The following DNMBP variants were observed in gnomAD, a reference collection of about 807,000 sequenced individuals.
The protein encoded by DNMBP is dynamin-binding protein.
DNMBP carries 87 observed loss-of-function variants against 150.0 expected under a neutral mutation model. The ratio of observed to expected loss-of-function variants is 0.58; its 90% CI spans 0.49 to 0.69. DNMBP has a LOEUF of 0.69. Ranked by LOEUF, DNMBP falls within the 30% of genes least tolerant of loss-of-function variation. The pLI is 0.00. For synonymous variants in DNMBP, 711 were observed against 750.4 expected, an observed-to-expected ratio of 0.95 and a Z score of 0.86; for missense variants, 1,774 against 1,949.0, an observed-to-expected ratio of 0.91 and a Z score of 1.69.
chr10:99,880,472 G>A, intron 15 of DNMBP, 111 bp from the exon 16 acceptor site: 2 of 1,378,372 alleles, frequency 1.5e-6, no homozygotes, highest in South Asian at 3.2e-5. Context: ...GTAAAATGAA[G>A]AGTAAAACAA....
intron 4 of DNMBP, among the ~76,000 whole-genome samples, chr10:99,934,460 G>C (rs1232427143): frequency 7.0e-6 from 1 of 142,696 alleles, no homozygotes; most frequent in African/African-American, 2.7e-5. Flanking sequence ...GTTGGAGAAG[G>C]GGAAAGTTGT....
In DNMBP at chr10:99,898,217, G is replaced by A. The variant is rs369385443; in HGVS notation, c.2789C>T (p.Pro930Leu). The A allele has an allele frequency of 1.2e-5, 20 of 1,613,890 alleles. No individual in the cohort carries two copies. Among genetic ancestry groups the A allele is most frequent in the Non-Finnish European group, 1.5e-5 (18 of 1,179,978 alleles). ...IKPVQRVMRY[P>L]LLLMELLNST... Reference sequence around the variant, plus strand: ...ATTCAGCAACTCCATTAGCAACAGCGGGTAACGCATTACTCTCTGTACTGG... The same window carrying A: ...ATTCAGCAACTCCATTAGCAACAGCAGGTAACGCATTACTCTCTGTACTGG... The change falls in exon 9 of 17, where the codon CCG becomes CTG. Residue 930 changes from proline to leucine, a missense_variant. By Grantham distance (98) the Pro-to-Leu change is moderately conservative. Coordinates refer to ENST00000324109, the MANE Select transcript of DNMBP (RefSeq NM_015221.4).
intron 1 of DNMBP, among the ~76,000 whole-genome samples, chr10:99,976,084 T>C (rs965041870): frequency 2.6e-5 from 4 of 152,204 alleles, no homozygotes; most frequent in Non-Finnish European, 5.9e-5. Context: ...TTAACCAGTA[T>C]GCTAACAGTG....
At chr10:99,906,607 C>A (rs1394908958) in intron 6 of DNMBP, among the ~76,000 whole-genome samples, 2 of 152,182 alleles carry the variant, frequency 1.3e-5, no homozygotes, top group African/African-American at 4.8e-5. Context: ...CTCTCTCTCA[C>A]AGGTCACTCT....
rs559947538 is a variant in DNMBP at position 99,902,619 on chromosome 10, TAAAAA to T, written c.2555-2558_2555-2554del. Among the ~76,000 whole-genome samples the T allele has an allele frequency of 3.9e-3, 494 of 125,174 alleles. 2 individuals are homozygous for T. Among genetic ancestry groups the T allele is most frequent in the Non-Finnish European group, 5.5e-3 (335 of 60,772 alleles). 82.1% of individuals were successfully genotyped at this position (125,174 alleles called of 152,430 possible). On this transcript the variant is annotated intron_variant, in intron 6 of 16. Coordinates refer to ENST00000324109, the MANE Select transcript of DNMBP (RefSeq NM_015221.4). ...AACACCGCACCCGGCTGCCTCCCTT[TAAAAA>T]AAAAAAAAAAAAAAAATTGTTGGCT...
chr10:99,892,660 C>CT, intron 11 of DNMBP, among the ~76,000 whole-genome samples: 1 of 144,352 alleles, frequency 6.9e-6, no homozygotes, highest in East Asian at 2.0e-4. Context: ...AACCAGAGAC[C>CT]TTTGTTCACT....
intron 4 of DNMBP, among the ~76,000 whole-genome samples, chr10:99,914,538 C>A (rs1270623200): frequency 6.6e-6 from 1 of 152,094 alleles, no homozygotes; most frequent in Non-Finnish European, 1.5e-5. Context: ...GCAATGAACC[C>A]TAAAGCCATC....
Position 99,925,595 on chromosome 10 carries a change from T to C in DNMBP, c.2261-16449A>G, listed in dbSNP as rs111438188. Among the ~76,000 whole-genome samples the C allele has an allele frequency of 3.4e-3, 511 of 152,092 alleles. 7 individuals are homozygous for C. The highest frequency in any genetic ancestry group is 0.012 in the African/African-American group (493 of 41,508). ...CATGCCCAGCTAATTTTTGTATTTT[T>C]GTACACAGGGGGTTTCACCATGTTG... On this transcript the variant is annotated intron_variant, in intron 4 of 16. Transcript: ENST00000324109.
At chr10:99,913,977 T>A in intron 4 of DNMBP, 4 of 1,476,664 alleles carry the variant, frequency 2.7e-6, no homozygotes, top group Non-Finnish European at 3.6e-6. Flanking sequence ...GCTGGCTGTG[T>A]GTGGAGGTGT....
intron 1 of DNMBP, among the ~76,000 whole-genome samples, chr10:99,987,095 C>CA (rs1367026055): frequency 6.7e-6 from 1 of 148,326 alleles, no homozygotes; most frequent in Admixed American, 6.8e-5. Flanking sequence ...GTGGAGCTTT[C>CA]AGTGAGCTGA....
chr10:99,955,037 A>G (rs1380948201), intron 4 of DNMBP, among the ~76,000 whole-genome samples, 177 bp downstream of exon 4: 3 of 148,366 alleles, frequency 2.0e-5, no homozygotes, highest in Admixed American at 6.8e-5. Context: ...TGGGCAACAG[A>G]GCGAGACTGT....
chr10:99,955,992 T>C lies in DNMBP; in HGVS notation c.1482A>G (p.Gln494=). The stretch of plus-strand genomic sequence containing the variant: ...CTAGGTTGTGGAGCTGAGGACTTGA[T>C]TGTCTGGGTTTGACTACCCTTGAAG... ...VSASRVVKPR[Q]SSPQLHNLAS... is the part of the protein sequence containing the mutation. The change falls in exon 4 of 17, where the codon CAA becomes CAG. Residue 494 remains glutamine (Q), a synonymous_variant. Coordinates refer to ENST00000324109, the MANE Select transcript of DNMBP (RefSeq NM_015221.4). 3 of 1,614,152 alleles carry C rather than the reference T, an allele frequency of 1.9e-6. No homozygotes were observed. The highest frequency in any genetic ancestry group is 2.5e-6 in the Non-Finnish European group (3 of 1,180,018).
At chr10:99,990,762 TACACATATATACACATATATAC>T (rs1379150142) in intron 1 of DNMBP, among the ~76,000 whole-genome samples, 2 of 119,268 alleles carry the variant, frequency 1.7e-5, no homozygotes, top group South Asian at 2.5e-4. Context: ...TACACATATA[TACACATATATACACATATATAC>T]ACACATATAT....
intron 3 of DNMBP, among the ~76,000 whole-genome samples, chr10:99,963,223 T>G (rs1280916936): frequency 6.6e-6 from 1 of 151,792 alleles, no homozygotes; most frequent in African/African-American, 2.4e-5. Context: ...TGTGTGCCAC[T>G]GTGCCCAGCT....
intron 4 of DNMBP, chr10:99,927,303 G>A (rs2040091708): frequency 6.6e-6 from 1 of 152,264 alleles, no homozygotes; most frequent in African/African-American, 2.4e-5. Flanking sequence ...GTGACAGGTG[G>A]GTGGCGCAAC....
chr10:99,944,101 GA>G (rs1290808319), intron 4 of DNMBP, among the ~76,000 whole-genome samples: 2 of 152,140 alleles, frequency 1.3e-5, no homozygotes, highest in African/African-American at 4.8e-5. Flanking sequence ...CACTGATTTA[GA>G]ACAATGGGGT....
chr10:99,938,363 G>A (rs1480339862), intron 4 of DNMBP, among the ~76,000 whole-genome samples: 1 of 152,164 alleles, frequency 6.6e-6, no homozygotes, highest in Non-Finnish European at 1.5e-5. Context: ...GGCCAACATG[G>A]TGTAACCCCA....
At position 99,917,948 on chromosome 10, in the gene DNMBP, G is replaced by A. The variant is rs1474546871; in HGVS notation, c.2261-8802C>T. Reference sequence around the variant, plus strand: ...CGTGCCACTGCACTCCAGCCTGAGCGATGGAGTAAGACTCTGTCTCAAAAA... The same window carrying A: ...CGTGCCACTGCACTCCAGCCTGAGCAATGGAGTAAGACTCTGTCTCAAAAA... On this transcript the variant is annotated intron_variant, in intron 4 of 16. Transcript: ENST00000324109. Among the ~76,000 whole-genome samples, 13 of 136,160 alleles carry A rather than the reference G, an allele frequency of 9.5e-5. No individual in the cohort carries two copies. The South Asian group carries it at 2.3e-3, about 24-fold the overall frequency. The allele number at this position is 136,160 out of a possible 152,430, so 89.3% of individuals were successfully genotyped here. A position where few individuals can be genotyped will look rare whatever the true frequency, so the allele number is the denominator to read the frequency against.
intron 4 of DNMBP, among the ~76,000 whole-genome samples, chr10:99,917,314 G>A (rs895879975): frequency 6.6e-6 from 1 of 152,188 alleles, no homozygotes; most frequent in Non-Finnish European, 1.5e-5. Context: ...CTGAGGTTGT[G>A]CCAATGTACT....
Sources: allele counts gnomAD v4.1 joint callset (sites outside exome capture counted in the v4.1 genomes callset), GRCh38; gene constraint gnomAD v4.1.1; transcripts MANE v1.5; gene names NCBI Gene and HGNC (gene_info 2026-07-23, HGNC 2026-07-21).